PCDH15: variants seen among roughly 807,000 people sequenced by gnomAD.
PCDH15 encodes protocadherin-15.
Under a neutral mutation model 178.5 loss-of-function variants are expected in PCDH15, and 129 were observed. That is an observed-to-expected ratio of 0.72 (90% CI 0.63 to 0.84). The LOEUF (loss-of-function observed/expected upper bound fraction) is 0.84. Ranked by LOEUF, PCDH15 falls within the 40% of genes least tolerant of loss-of-function variation. The pLI is 0.00. For synonymous variants in PCDH15, 800 were observed against 732.0 expected (o/e 1.09, Z -1.50); for missense variants, 2,230 against 2,099.9 (o/e 1.06, Z -1.21).
chr10:55,500,818 C>A (rs978516320), intron 2 of PCDH15, among the ~76,000 whole-genome samples: 1 of 151,682 alleles, frequency 6.6e-6, no homozygotes, highest in Non-Finnish European at 1.5e-5. Context: ...ACTTTTAACC[C>A]AAATACATAT....
intron 2 of PCDH15, among the ~76,000 whole-genome samples, chr10:55,602,327 G>A (rs912316632): frequency 2.0e-5 from 3 of 146,516 alleles, no homozygotes; most frequent in Non-Finnish European, 4.6e-5. Context: ...GCCCACAATT[G>A]CCCAGGCTTG....
chr10:55,548,210 G>GCACACACA (rs200097115), intron 2 of PCDH15, among the ~76,000 whole-genome samples: 3 of 121,190 alleles, frequency 2.5e-5, no homozygotes, highest in Non-Finnish European at 5.6e-5. Flanking sequence ...AATGCCTAAT[G>GCACACACA]CACACACACA....
intron 25 of PCDH15, among the ~76,000 whole-genome samples, chr10:53,924,038 G>A (rs1333249489): frequency 3.9e-5 from 6 of 152,120 alleles, no homozygotes; most frequent in African/African-American, 7.2e-5. Flanking sequence ...CGCAGCCCTC[G>A]CTTGATCTCA....
At chr10:54,697,625 A>AAAGG (rs60448051) in intron 1 of PCDH15, among the ~76,000 whole-genome samples, 3,749 of 12,510 alleles carry the variant, frequency 0.3, 990 homozygotes, top group East Asian at 0.75. Context: ...GAGAGAGAGA[A>AAAGG]AAGGAAGGAA....
At chr10:54,178,979 A>T (rs1000569860) in intron 13 of PCDH15, among the ~76,000 whole-genome samples, 4 of 152,132 alleles carry the variant, frequency 2.6e-5, no homozygotes, top group Non-Finnish European at 5.9e-5. Flanking sequence ...GGGATTGTAA[A>T]CTAGTTCAAC....
intron 2 of PCDH15, among the ~76,000 whole-genome samples, chr10:54,994,490 A>G (rs1179057283): frequency 6.6e-6 from 1 of 152,196 alleles, no homozygotes; most frequent in Non-Finnish European, 1.5e-5. Context: ...GGTATAGTCT[A>G]TAAATACAGT....
intron 3 of PCDH15, among the ~76,000 whole-genome samples, chr10:54,514,682 A>G (rs1247389525): frequency 6.6e-6 from 1 of 151,016 alleles, no homozygotes; most frequent in Non-Finnish European, 1.5e-5. Flanking sequence ...AAAAAAAAAA[A>G]ACAGTTTTAA....
Position 54,122,520 on chromosome 10 carries a change from T to C in PCDH15, c.1917+10355A>G, listed in dbSNP as rs1169603705. Among the ~76,000 whole-genome samples the C allele has an allele frequency of 2.0e-5, 3 of 150,540 alleles. No individual in the cohort carries two copies. In the East Asian group the frequency reaches 5.9e-4, roughly 30 times the overall value. The stretch of plus-strand genomic sequence containing the variant: ...AACACTGGAAGTGCTAGCCAGATGT[T>C]AAACTTTTTTTTTCATATATTTGCT... On this transcript the variant is annotated intron_variant, in intron 15 of 37. Transcript: ENST00000644397.
At chr10:55,190,121 T>G (rs1289100057) in intron 1 of PCDH15, among the ~76,000 whole-genome samples, 1 of 151,782 alleles carries the variant, frequency 6.6e-6, no homozygotes, top group East Asian at 1.9e-4. Context: ...AGTCTCTATG[T>G]CAAGCAAAAG....
chr10:54,021,425 T>C (rs1487929607), intron 19 of PCDH15, among the ~76,000 whole-genome samples: 2 of 152,062 alleles, frequency 1.3e-5, no homozygotes, highest in African/African-American at 4.8e-5. Context: ...TATGTGGTTT[T>C]TCCTGCTTAA....
intron 2 of PCDH15, among the ~76,000 whole-genome samples, chr10:55,397,832 G>A (rs1303955294): frequency 3.3e-5 from 5 of 151,594 alleles, no homozygotes; most frequent in South Asian, 4.2e-4. Context: ...CTCATGATCC[G>A]CCCGCCTCGG....
At chr10:54,748,655 G>A (rs769812774) in intron 1 of PCDH15, among the ~76,000 whole-genome samples, 10 of 152,064 alleles carry the variant, frequency 6.6e-5, no homozygotes, top group Non-Finnish European at 1.2e-4. Flanking sequence ...AAGGGTTTCC[G>A]GTGCACTCTG....
intron 35 of PCDH15, 107 bp from the exon 36 acceptor site, chr10:53,811,726 C>A (rs2075871845): frequency 3.4e-6 from 2 of 592,526 alleles, no homozygotes; most frequent in African/African-American, 2.0e-5. Flanking sequence ...AACATTCCTG[C>A]CAAAATAACT....
intron 9 of PCDH15, among the ~76,000 whole-genome samples, chr10:54,217,990 G>C (rs553843529): frequency 6.6e-6 from 1 of 152,176 alleles, no homozygotes; most frequent in African/African-American, 2.4e-5. Context: ...GTAATGATTT[G>C]AAACAGATCA....
chr10:54,779,473 TAC>T (rs1555192811), intron 1 of PCDH15, among the ~76,000 whole-genome samples: 6 of 110,554 alleles, frequency 5.4e-5, no homozygotes, highest in Non-Finnish European at 1.9e-5. Context: ...TGTATATATA[TAC>T]ACACATATAT....
At chr10:53,834,570 T>A (rs1164227892) in intron 29 of PCDH15, among the ~76,000 whole-genome samples, 1 of 151,796 alleles carries the variant, frequency 6.6e-6, no homozygotes, top group Admixed American at 6.6e-5. Flanking sequence ...AGTTACTATA[T>A]GCAAACCTTT....
intron 2 of PCDH15, among the ~76,000 whole-genome samples, chr10:55,103,129 T>C (rs1231083536): frequency 1.3e-5 from 2 of 149,822 alleles, no homozygotes; most frequent in Non-Finnish European, 2.9e-5. Context: ...TTTTTTTTGC[T>C]TTTCCATTTC....
Position 54,571,878 on chromosome 10 carries a change from G to C in PCDH15, c.92-44001C>G, listed in dbSNP as rs1003211528. Reference sequence around the variant, plus strand: ...ACATCAAAAATTGTGAAAATTTCTAGAGGGAATGATGGCAGGACTTCTCAG... The same window carrying C: ...ACATCAAAAATTGTGAAAATTTCTACAGGGAATGATGGCAGGACTTCTCAG... On this transcript the variant is annotated intron_variant, in intron 2 of 37. Transcript: ENST00000644397. Among the ~76,000 whole-genome samples the C allele has an allele frequency of 7.2e-5, 11 of 152,244 alleles. No individual in the cohort carries two copies. The East Asian group carries it at 1.7e-3, about 24-fold the overall frequency.
chr10:54,409,965 T>C (rs1163178979), intron 3 of PCDH15, among the ~76,000 whole-genome samples: 6 of 151,980 alleles, frequency 3.9e-5, no homozygotes, highest in Non-Finnish European at 7.4e-5. Context: ...AAGAAATATT[T>C]TTTTTCTTTA....
Sources: gnomAD v4.1 joint callset for allele counts (sites outside exome capture counted in the v4.1 genomes callset) on GRCh38, gnomAD v4.1.1 for gene constraint, MANE v1.5 for transcripts, NCBI Gene and HGNC (gene_info 2026-07-23, HGNC 2026-07-21) for gene names.